Variants in DAB1 observed in about 807,000 individuals in gnomAD.
The protein encoded by DAB1 is DAB adaptor protein 1.
In DAB1, 15 loss-of-function variants were observed where a neutral mutation model predicts 64.6. The ratio of observed to expected loss-of-function variants is 0.23; its 90% CI spans 0.16 to 0.36. The LOEUF (loss-of-function observed/expected upper bound fraction) is 0.36. Ranked by LOEUF, DAB1 falls within the 10% of genes least tolerant of loss-of-function variation. DAB1 has a pLI of 1.00. For synonymous variants in DAB1, 235 were observed against 251.9 expected (o/e 0.93, Z 0.64); for missense variants, 596 against 706.7 (o/e 0.84, Z 1.78).
At chr1:58,157,348 C>T (rs1248211450) in intron 4 of DAB1, among the ~76,000 whole-genome samples, 1 of 152,158 alleles carries the variant, frequency 6.6e-6, no homozygotes. Flanking sequence ...AGCGGCTGCC[C>T]TCATTGTGGG....
intron 4 of DAB1, among the ~76,000 whole-genome samples, chr1:58,325,860 G>A (rs903524636): frequency 7.2e-5 from 11 of 152,124 alleles, no homozygotes; most frequent in African/African-American, 2.4e-4. Flanking sequence ...TAGGATTAAA[G>A]TGAGAGGTGA....
At chr1:58,035,461 C>G (rs1647030980) in intron 5 of DAB1, among the ~76,000 whole-genome samples, 1 of 152,224 alleles carries the variant, frequency 6.6e-6, no homozygotes, top group African/African-American at 2.4e-5. Flanking sequence ...CACCTGTACT[C>G]CATTACAATC....
intron 7 of DAB1, among the ~76,000 whole-genome samples, chr1:57,455,677 A>G (rs1274920955): frequency 6.6e-6 from 1 of 152,116 alleles, no homozygotes; most frequent in Non-Finnish European, 1.5e-5. Flanking sequence ...CTATTTGCCC[A>G]AGGTGCCGTA....
intron 6 of DAB1, among the ~76,000 whole-genome samples, chr1:57,766,001 G>T (rs1170632466): frequency 6.6e-6 from 1 of 151,858 alleles, no homozygotes; most frequent in Non-Finnish European, 1.5e-5. Flanking sequence ...AAGTTTCTCA[G>T]ATCTCTATCC....
At chr1:57,948,226 C>T (rs756740786) in intron 5 of DAB1, among the ~76,000 whole-genome samples, 3 of 152,142 alleles carry the variant, frequency 2.0e-5, no homozygotes, top group Non-Finnish European at 2.9e-5. Context: ...GAAGACACAT[C>T]GTGTAACTGA....
chr1:58,126,311 C>G (rs1386353238), intron 5 of DAB1, among the ~76,000 whole-genome samples: 1 of 152,114 alleles, frequency 6.6e-6, no homozygotes, highest in African/African-American at 2.4e-5. Flanking sequence ...GAAGCCAATT[C>G]CCCCAGGGCT....
intron 3 of DAB1, among the ~76,000 whole-genome samples, chr1:58,476,455 C>A (rs534358263): frequency 6.6e-6 from 1 of 152,140 alleles, no homozygotes; most frequent in Non-Finnish European, 1.5e-5. Flanking sequence ...TGGTGTAAAA[C>A]CCCTTGCACG....
intron 2 of DAB1, among the ~76,000 whole-genome samples, chr1:57,246,670 A>T (rs1429955475): frequency 1.3e-5 from 2 of 152,202 alleles, no homozygotes; most frequent in African/African-American, 4.8e-5. Context: ...GACAGCTTGC[A>T]TGTGTACCTG....
intron 4 of DAB1, among the ~76,000 whole-genome samples, chr1:58,209,962 T>C (rs1052473227): frequency 2.0e-5 from 3 of 152,178 alleles, no homozygotes; most frequent in African/African-American, 7.2e-5. Context: ...TAAAAAGTCA[T>C]TTGAAGCCTT....
chr1:57,391,603 A>G (rs180810123), intron 1 of DAB1, among the ~76,000 whole-genome samples: 192 of 152,298 alleles, frequency 1.3e-3, no homozygotes, highest in Non-Finnish European at 2.1e-3. Flanking sequence ...CATCTACTAC[A>G]TGCAGATATA....
At chr1:57,286,565 T>C (rs1672332528) in intron 2 of DAB1, among the ~76,000 whole-genome samples, 1 of 152,234 alleles carries the variant, frequency 6.6e-6, no homozygotes, top group African/African-American at 2.4e-5. Flanking sequence ...ACTTTGTCCT[T>C]TCTAATTTCA....
chr1:57,324,250 C>A (rs760085778), intron 1 of DAB1, among the ~76,000 whole-genome samples: 1 of 152,144 alleles, frequency 6.6e-6, no homozygotes, highest in Non-Finnish European at 1.5e-5. Context: ...GAGGAGGAGT[C>A]GGGATGCTCA....
chr1:57,685,021 C>T (rs1038670930), intron 6 of DAB1, among the ~76,000 whole-genome samples: 16 of 151,428 alleles, frequency 1.1e-4, no homozygotes, highest in African/African-American at 1.5e-4. Flanking sequence ...GGCATGATCT[C>T]GGCTTACTGC....
chr1:57,204,691 G>A (rs189932523), intron 2 of DAB1, among the ~76,000 whole-genome samples: 2 of 152,252 alleles, frequency 1.3e-5, no homozygotes, highest in Admixed American at 6.5e-5. Context: ...TAAAGACTTC[G>A]TTGGAATTGT....
chr1:58,256,512 T>C (rs544801019), intron 4 of DAB1, among the ~76,000 whole-genome samples: 3 of 152,342 alleles, frequency 2.0e-5, no homozygotes, highest in Admixed American at 6.5e-5. Context: ...AGATGTTAAA[T>C]TGTGGAGATT....
At chr1:57,349,313 T>C (rs182260929) in intron 1 of DAB1, among the ~76,000 whole-genome samples, 69 of 152,322 alleles carry the variant, frequency 4.5e-4, no homozygotes, top group Non-Finnish European at 6.3e-4. Context: ...AACCTTGCTT[T>C]TGTAAAATGC....
rs1054548030 is a variant in DAB1 at position 57,200,569 on chromosome 1, G to C, written c.68-55140C>G. Among the ~76,000 whole-genome samples the C allele has an allele frequency of 4.6e-5, 7 of 151,870 alleles. No homozygotes were observed. In the South Asian group the frequency reaches 1.5e-3, roughly 32 times the overall value. On this transcript the variant is annotated intron_variant, in intron 2 of 14. Coordinates refer to ENST00000371236, the MANE Select transcript of DAB1 (RefSeq NM_001365792.1). ...GGGGTGAGTGTTTTAATCTTTCTGGGTGTCAGTTTCCTCATAGGAGTGTGG... is the reference window on the plus strand; with the variant it reads ...GGGGTGAGTGTTTTAATCTTTCTGGCTGTCAGTTTCCTCATAGGAGTGTGG...
intron 2 of DAB1, among the ~76,000 whole-genome samples, chr1:57,158,787 T>A (rs1017683488): frequency 2.3e-4 from 35 of 152,236 alleles, no homozygotes; most frequent in Non-Finnish European, 2.9e-5. Flanking sequence ...TGTGTTTTTA[T>A]GAACATGGTT....
At chr1:58,535,964 T>C (rs957060685) in intron 1 of DAB1, among the ~76,000 whole-genome samples, 7 of 151,558 alleles carry the variant, frequency 4.6e-5, no homozygotes, top group Non-Finnish European at 7.3e-5. Flanking sequence ...TACTCTTACA[T>C]ACTGTGTTAG....
Sources: gnomAD v4.1 joint callset for allele counts (sites outside exome capture counted in the v4.1 genomes callset) on GRCh38, gnomAD v4.1.1 for gene constraint, MANE v1.5 for transcripts, NCBI Gene and HGNC (gene_info 2026-07-23, HGNC 2026-07-21) for gene names.